Variants in HEATR4 observed in about 807,000 individuals in gnomAD.
HEATR4 encodes the protein HEAT repeat containing 4.
HEATR4 carries 95 observed loss-of-function variants against 108.8 expected under a neutral mutation model. The ratio of observed to expected loss-of-function variants is 0.87; its 90% CI spans 0.74 to 1.04. The LOEUF is 1.04. HEATR4 is among the 50% of genes least tolerant of loss of function. The probability of loss-of-function intolerance (pLI) is 0.00; values close to 1 mark genes in which losing one functional copy is unlikely to be tolerated. For synonymous variants in HEATR4, 443 were observed against 459.4 expected (o/e 0.96, Z 0.46); for missense variants, 1,152 against 1,253.8 (o/e 0.92, Z 1.23).
chr14:73,508,377 T>C, intron 8 of HEATR4, 83 bp from the exon 9 acceptor site: 2 of 1,196,488 alleles, frequency 1.7e-6, no homozygotes, highest in Non-Finnish European at 2.4e-6. Context: ...TACCCAAGGC[T>C]GCTACCCCAC....
chr14:73,536,980 GTT>G, intron 1 of HEATR4: 2 of 72,584 alleles, frequency 2.8e-5, no homozygotes, highest in Non-Finnish European at 3.1e-5. Flanking sequence ...CTGCCTGGTT[GTT>G]GTTGTTTTTT....
intron 2 of HEATR4, among the ~76,000 whole-genome samples, chr14:73,524,310 AATATATAT>A (rs58047390): frequency 1.8e-5 from 1 of 54,788 alleles, no homozygotes; most frequent in Non-Finnish European, 3.1e-5. Flanking sequence ...AAAAAAAAAA[AATATATAT>A]ATATATATAT....
intron 1 of HEATR4, among the ~76,000 whole-genome samples, chr14:73,532,906 G>T (rs1481696166): frequency 1.8e-5 from 2 of 113,110 alleles, no homozygotes; most frequent in African/African-American, 5.7e-5. Context: ...AGTGAGCCAA[G>T]ATTGGGCCAC....
At chr14:73,591,245 TCAAATACAA>T in the HEATR4 span, among the ~76,000 whole-genome samples, 2 of 151,826 alleles carry the variant, frequency 1.3e-5, no homozygotes, top group Admixed American at 6.6e-5. Flanking sequence ...AGACCCTGTC[TCAAATACAA>T]CAAAAAAGCA....
At chr14:73,630,101 C>T in the HEATR4 span, among the ~76,000 whole-genome samples, 317 of 151,738 alleles carry the variant, frequency 2.1e-3, 8 homozygotes, top group East Asian at 0.051. Flanking sequence ...ACGTGGTGTC[C>T]TAATTAGACA....
chr14:73,486,279 G>A (rs1214830102), intron 17 of HEATR4, among the ~76,000 whole-genome samples: 2 of 152,102 alleles, frequency 1.3e-5, no homozygotes, highest in Admixed American at 6.6e-5. Context: ...TGACCCCTGG[G>A]GGTGCAAAAT....
chr14:73,600,684 C>T, the HEATR4 span, among the ~76,000 whole-genome samples: 1 of 151,956 alleles, frequency 6.6e-6, no homozygotes, highest in South Asian at 2.1e-4. Context: ...CTCCTGACCT[C>T]AGGTGATCCA....
intron 17 of HEATR4, among the ~76,000 whole-genome samples, chr14:73,485,308 A>G (rs1019186742): frequency 5.3e-5 from 8 of 152,176 alleles, no homozygotes; most frequent in Non-Finnish European, 8.8e-5. Context: ...CATTCCTTTA[A>G]ATAACTATTG....
At chr14:73,587,579 C>A in the HEATR4 span, among the ~76,000 whole-genome samples, 4 of 152,326 alleles carry the variant, frequency 2.6e-5, no homozygotes, top group African/African-American at 9.6e-5. Flanking sequence ...TGGTCTCAAA[C>A]TCCTGGCCTC....
the HEATR4 span, among the ~76,000 whole-genome samples, chr14:73,598,973 C>T: frequency 6.6e-6 from 1 of 151,986 alleles, no homozygotes; most frequent in African/African-American, 2.4e-5. Flanking sequence ...CACTGCACTC[C>T]AGCCTGGGCA....
the HEATR4 span, among the ~76,000 whole-genome samples, chr14:73,607,356 CT>C: frequency 6.6e-6 from 1 of 152,134 alleles, no homozygotes; most frequent in Non-Finnish European, 1.5e-5. Flanking sequence ...ACCTTGGCCC[CT>C]TTTAGCCAGG....
At chr14:73,521,834 C>A (rs1421071050) in intron 3 of HEATR4, among the ~76,000 whole-genome samples, 1 of 152,200 alleles carries the variant, frequency 6.6e-6, no homozygotes, top group African/African-American at 2.4e-5. Flanking sequence ...GGATACATTT[C>A]TGGGAGCACC....
chr14:73,513,505 C>G (rs112941926), intron 6 of HEATR4, among the ~76,000 whole-genome samples: 39 of 151,550 alleles, frequency 2.6e-4, no homozygotes, highest in African/African-American at 9.2e-4. Context: ...GCGGGCAGAT[C>G]ACCTGAGGTC....
At chr14:73,582,549 T>C in the HEATR4 span, 1 of 151,744 alleles carries the variant, frequency 6.6e-6, no homozygotes, top group South Asian at 2.1e-4. Context: ...ATTTCCCCCA[T>C]AGACAGCATG....
intron 12 of HEATR4, among the ~76,000 whole-genome samples, chr14:73,499,560 G>A (rs890654010): frequency 6.6e-6 from 1 of 152,140 alleles, no homozygotes; most frequent in Non-Finnish European, 1.5e-5. Context: ...AGCTATAATT[G>A]AAAAATGACC....
chr14:73,515,186 A>G (rs1887518328), intron 5 of HEATR4, among the ~76,000 whole-genome samples: 1 of 152,178 alleles, frequency 6.6e-6, no homozygotes, highest in African/African-American at 2.4e-5. Flanking sequence ...AGGGGAAGGG[A>G]AAAATGATAA....
At chr14:73,513,249 A>T (rs1489987043) in intron 6 of HEATR4, among the ~76,000 whole-genome samples, 1 of 152,218 alleles carries the variant, frequency 6.6e-6, no homozygotes, top group East Asian at 1.9e-4. Flanking sequence ...ACCTGAAGTC[A>T]GGAGTTCGAG....
chr14:73,491,305 A>T, intron 17 of HEATR4: 1 of 1,531,252 alleles, frequency 6.5e-7, no homozygotes, highest in Non-Finnish European at 8.8e-7. Flanking sequence ...GGCGAGAGCC[A>T]TACGGCCACC....
Position 73,478,745 on chromosome 14 carries a change from C to A in HEATR4, c.2942G>T (p.Arg981Leu), listed in dbSNP as rs978826551. 1.9e-6 allele frequency: 3 copies of A among 1,613,586 alleles called. No homozygotes were observed. The African/African-American group carries it at 4.0e-5, about 22-fold the overall frequency. The part of the protein sequence containing the change: ...KVRSSLVKDL[R>L]TSPEKRIAVG... ...AGCAATCCTTTTCTCGGGGGAGGTG[C>A]GTAGATCTTTGACAAGTGATGAACG... The change falls in exon 18 of 18, where the codon CGC becomes CTC. Residue 981 changes from arginine to leucine, a missense_variant. By Grantham distance (102) the Arg-to-Leu change is moderately radical (BLOSUM62 -2). Coordinates refer to ENST00000553558, the MANE Select transcript of HEATR4 (RefSeq NM_001220484.1).
Sources: gnomAD v4.1 joint callset for allele counts (sites outside exome capture counted in the v4.1 genomes callset) on GRCh38, gnomAD v4.1.1 for gene constraint, MANE v1.5 for transcripts, NCBI Gene and HGNC (gene_info 2026-07-23, HGNC 2026-07-21) for gene names.